ADARB2: variants seen among roughly 807,000 people sequenced by gnomAD.
ADARB2 encodes inactive double-stranded RNA-specific editase B2.
ADARB2 carries 25 observed loss-of-function variants against 62.2 expected under a neutral mutation model. The ratio of observed to expected loss-of-function variants is 0.40; its 90% confidence interval spans 0.29 to 0.56. ADARB2 has a LOEUF of 0.56. Ranked by LOEUF, ADARB2 falls within the 20% of genes least tolerant of loss-of-function variation. The probability of loss-of-function intolerance (pLI) is 0.43; values close to 1 mark genes in which losing one functional copy is unlikely to be tolerated. For missense variants in ADARB2, 1,071 were observed against 1,077.4 expected (o/e 0.99, Z 0.08); for synonymous variants, 572 against 500.8 (o/e 1.14, Z -1.90).
intron 1 of ADARB2, among the ~76,000 whole-genome samples, chr10:1,718,730 C>T (rs1368309844): frequency 6.6e-6 from 1 of 152,120 alleles, no homozygotes; most frequent in East Asian, 2.0e-4. Flanking sequence ...AGAGGCCAGG[C>T]CCCCAGGTTG....
At chr10:1,456,350 T>C (rs1380434182) in intron 1 of ADARB2, among the ~76,000 whole-genome samples, 4 of 152,180 alleles carry the variant, frequency 2.6e-5, no homozygotes, top group Non-Finnish European at 5.9e-5. Context: ...CACTTCCTTC[T>C]CAACACCAGC....
chr10:1,659,891 G>T (rs1315313271), intron 1 of ADARB2, among the ~76,000 whole-genome samples: 1 of 143,946 alleles, frequency 6.9e-6, no homozygotes, highest in Non-Finnish European at 1.5e-5. Context: ...AGTGTCCTGT[G>T]AGACTCCGGG....
intron 3 of ADARB2, among the ~76,000 whole-genome samples, chr10:1,321,223 C>G (rs1054376216): frequency 1.3e-5 from 2 of 152,172 alleles, no homozygotes; most frequent in Non-Finnish European, 2.9e-5. Context: ...CTGTCCAAAT[C>G]TTGCCTCATG....
At chr10:1,256,422 C>T (rs1392995046) in intron 4 of ADARB2, among the ~76,000 whole-genome samples, 1 of 152,152 alleles carries the variant, frequency 6.6e-6, no homozygotes, top group Non-Finnish European at 1.5e-5. Context: ...ACCCTGAAAC[C>T]ACAGGGGCCT....
At chr10:1,685,750 A>G (rs947296786) in intron 1 of ADARB2, among the ~76,000 whole-genome samples, 8 of 152,196 alleles carry the variant, frequency 5.3e-5, no homozygotes, top group African/African-American at 1.7e-4. Context: ...AGACACCCCA[A>G]GGGTCCTGCC....
intron 1 of ADARB2, among the ~76,000 whole-genome samples, chr10:1,706,830 A>T (rs906835351): frequency 1.1e-4 from 17 of 152,232 alleles, no homozygotes; most frequent in African/African-American, 4.1e-4. Flanking sequence ...GGGGAACAAA[A>T]GAATCACACC....
intron 1 of ADARB2, among the ~76,000 whole-genome samples, chr10:1,415,494 G>GAGGTCAATGACAA (rs1554761249): frequency 2.2e-4 from 7 of 31,414 alleles, no homozygotes; most frequent in African/African-American, 4.9e-4. Flanking sequence ...ACATGAGTTG[G>GAGGTCAATGACAA]CCAGATAAAC....
intron 1 of ADARB2, among the ~76,000 whole-genome samples, chr10:1,721,430 C>T (rs539889590): frequency 3.9e-5 from 6 of 152,138 alleles, no homozygotes; most frequent in Non-Finnish European, 7.4e-5. Context: ...TCCCAAGTAG[C>T]TTTCACCTAG....
rs566322985 is a variant in ADARB2 at position 1,704,571 on chromosome 10, C to T, written c.100+32480G>A. On this transcript the variant is annotated intron_variant, in intron 1 of 9. Coordinates refer to ENST00000381312, the MANE Select transcript of ADARB2 (RefSeq NM_018702.4). The surrounding 1 kb of genome is among the most constrained non-coding windows in gnomAD (Gnocchi z 5.6). ...TAGATGAAGCCTTGCTCACTAACCT[C>T]CTGCTGTGCAGCCCAGCTCCTAACA... Among the ~76,000 whole-genome samples, 2 of 152,270 alleles carry T rather than the reference C, an allele frequency of 1.3e-5. No homozygotes were observed. The highest frequency in any genetic ancestry group is 3.9e-4 in the East Asian group (2 of 5,180).
Position 1,443,762 on chromosome 10 carries a change from T to C in ADARB2, c.101-64602A>G, listed in dbSNP as rs980781874. Among the ~76,000 whole-genome samples the C allele has an allele frequency of 2.6e-5, 4 of 152,142 alleles. 1 individual carries two copies. The highest frequency in any genetic ancestry group is 5.9e-5 in the Non-Finnish European group (4 of 68,022). ...ATTAAATGAGAGTTATCTAAGAATA[T>C]TGAGAAAGCCATTGCAAGAGATGAT... On this transcript the variant is annotated intron_variant, in intron 1 of 9. Transcript: ENST00000381312.
chr10:1,653,499 C>T (rs35010220), intron 1 of ADARB2, among the ~76,000 whole-genome samples: 4,633 of 136,356 alleles, frequency 0.034, 104 homozygotes, highest in Middle Eastern at 0.061. Flanking sequence ...CCACCCGACG[C>T]CTTGTGTGCC....
chr10:1,393,035 C>T (rs546226333), intron 1 of ADARB2, among the ~76,000 whole-genome samples: 1 of 152,284 alleles, frequency 6.6e-6, no homozygotes, highest in Non-Finnish European at 1.5e-5. Context: ...TGGCAGTGAG[C>T]CTCTGGCAGT....
intron 1 of ADARB2, among the ~76,000 whole-genome samples, chr10:1,518,012 T>G (rs1832027550): frequency 6.6e-6 from 1 of 152,104 alleles, no homozygotes; most frequent in Admixed American, 6.5e-5. Context: ...CCCACATCAC[T>G]CTGAAATAGG....
intron 1 of ADARB2, among the ~76,000 whole-genome samples, chr10:1,709,465 G>A (rs372121508): frequency 1.5e-3 from 231 of 152,342 alleles, no homozygotes; most frequent in African/African-American, 4.8e-3. Flanking sequence ...CAATGAGCAA[G>A]CAGCAAGGTT....
At chr10:1,225,768 G>A (rs1164446755) in intron 6 of ADARB2, among the ~76,000 whole-genome samples, 2 of 151,330 alleles carry the variant, frequency 1.3e-5, no homozygotes. Flanking sequence ...TAGAGTTTCT[G>A]CCGAGAGATC....
Position 1,737,034 on chromosome 10 carries a change from C to G in ADARB2, c.100+17G>C, listed in dbSNP as rs760018473. 1.2e-6 allele frequency: 2 copies of G among 1,608,512 alleles called. No homozygotes were observed. Among genetic ancestry groups the G allele is most frequent in the South Asian group, 2.2e-5 (2 of 91,066 alleles). On this transcript the variant is annotated intron_variant, in intron 1 of 9. Transcript: ENST00000381312. ...GGGTGAAGGGGGGCAGGGGCCGGCG[C>G]GCCACGCGGTCCTTACCTTTCCGCT...
intron 3 of ADARB2, among the ~76,000 whole-genome samples, chr10:1,359,775 C>T (rs750994679): frequency 2.0e-4 from 30 of 152,312 alleles, no homozygotes; most frequent in Non-Finnish European, 2.8e-4. Context: ...AAGCTCCAGC[C>T]GCAGTGGCTC....
At chr10:1,578,154 T>C (rs1243940717) in intron 1 of ADARB2, among the ~76,000 whole-genome samples, 1 of 152,116 alleles carries the variant, frequency 6.6e-6, no homozygotes, top group Non-Finnish European at 1.5e-5. Flanking sequence ...CCCCATAGGA[T>C]GGAAATTTGA....
chr10:1,186,445 T>C, intron 8 of ADARB2: 1 of 517,466 alleles, frequency 1.9e-6, no homozygotes, highest in Non-Finnish European at 3.9e-6. Context: ...CCAAGATCCC[T>C]TGTCCCATTG....
Sources: gnomAD v4.1 joint callset for allele counts (sites outside exome capture counted in the v4.1 genomes callset) on GRCh38, gnomAD v4.1.1 for gene constraint, Gnocchi (gnomAD v3.1) non-coding constraint, MANE v1.5 for transcripts, NCBI Gene and HGNC (gene_info 2026-07-23, HGNC 2026-07-21) for gene names.